The following SLC25A48 variants were observed in gnomAD, a reference collection of about 807,000 sequenced individuals.
SLC25A48 encodes CTC-321K16.1.
SLC25A48 carries 29 observed loss-of-function variants against 32.2 expected under a neutral mutation model. That is an observed-to-expected ratio of 0.90 (90% CI 0.67 to 1.23). The LOEUF is 1.23. Among genes scored for constraint, SLC25A48 ranks in the 50% most tolerant of loss-of-function variants. The pLI, the probability that SLC25A48 is intolerant of heterozygous loss-of-function variation, is 0.00. For synonymous variants in SLC25A48, 164 were observed against 172.3 expected (o/e 0.95, Z 0.38); for missense variants, 399 against 422.7 (o/e 0.94, Z 0.49).
At chr5:135,860,019 C>G (rs1476479702) in intron 4 of SLC25A48, among the ~76,000 whole-genome samples, 1 of 152,186 alleles carries the variant, frequency 6.6e-6, no homozygotes, top group Admixed American at 6.5e-5. Flanking sequence ...TCCTCTCCTC[C>G]CTCTAGCCTG....
At chr5:135,785,669 G>A (rs1316273185) in intron 3 of SLC25A48, among the ~76,000 whole-genome samples, 1 of 151,176 alleles carries the variant, frequency 6.6e-6, no homozygotes, top group African/African-American at 2.4e-5. Flanking sequence ...ATGGGGAGAG[G>A]GGGGTGGAAC....
intron 3 of SLC25A48, among the ~76,000 whole-genome samples, chr5:135,705,390 C>T (rs899665244): frequency 2.6e-5 from 4 of 152,192 alleles, no homozygotes; most frequent in African/African-American, 7.2e-5. Flanking sequence ...TTGATTTCTT[C>T]ATCTATTAAA....
At position 135,852,581 on chromosome 5, in the gene SLC25A48, G is replaced by C; in HGVS notation, c.181G>C (p.Gly61Arg). 6.3e-7 allele frequency: 1 copy of C among 1,599,428 alleles called. No homozygotes were observed. Among genetic ancestry groups the C allele is most frequent in the Non-Finnish European group, 8.6e-7 (1 of 1,167,824 alleles). The change falls in exon 4 of 8, where the codon GGC becomes CGC. Residue 61 changes from glycine to arginine, a missense_variant. Physicochemically the swap from Gly to Arg is moderately radical, Grantham distance 125. Transcript: ENST00000681962. ...RRESMFGFFK[G>R]MSFPLASIAV... Reference sequence around the variant, plus strand: ...ACTGCAGATGTTCGGCTTCTTCAAGGGCATGTCCTTCCCCCTCGCCAGCAT... The same window carrying C: ...ACTGCAGATGTTCGGCTTCTTCAAGCGCATGTCCTTCCCCCTCGCCAGCAT...
rs930737745 is a variant in SLC25A48 at position 135,707,858 on chromosome 5, G to T, written c.-521+72902G>T. On this transcript the variant is annotated intron_variant, in intron 3 of 10. Transcript: ENST00000646290. ...AGCCAGGGAGCATGACTGTCTTGTT[G>T]ATTGCTGGACTCTGGTGCCTGGCAT... Among the ~76,000 whole-genome samples the T allele has an allele frequency of 2.0e-5, 3 of 152,318 alleles. No homozygotes were observed. In the East Asian group the frequency reaches 5.8e-4, roughly 29 times the overall value.
Position 135,842,433 on chromosome 5 carries a change from G to A in SLC25A48, c.64G>A (p.Val22Ile), listed in dbSNP as rs1006810268. 1.3e-5 allele frequency: 21 copies of A among 1,613,832 alleles called. No homozygotes were observed. Among genetic ancestry groups the A allele is most frequent in the African/African-American group, 2.7e-5 (2 of 75,006 alleles). The change falls in exon 2 of 8, where the codon GTT (valine) becomes ATT (isoleucine). Residue 22 changes from valine to isoleucine, a missense_variant. Val to Ile is a conservative substitution (Grantham distance 29, BLOSUM62 3). Coordinates refer to ENST00000681962, the MANE Select transcript of SLC25A48 (RefSeq NM_001349336.2). ...ATCCACAGGTGCAGCCAGTGTCATC[G>A]TTGGCCACCCTCTGGACACAGTCAA... ...GWIGGAASVI[V>I]GHPLDTVKTR...
At chr5:135,802,434 A>G (rs888829895) in intron 3 of SLC25A48, among the ~76,000 whole-genome samples, 1 of 151,690 alleles carries the variant, frequency 6.6e-6, no homozygotes, top group Non-Finnish European at 1.5e-5. Flanking sequence ...TATTTATAAT[A>G]TCCTAGGGAG....
At chr5:135,840,273 C>T (rs780756198) in intron 1 of SLC25A48, among the ~76,000 whole-genome samples, 1 of 152,178 alleles carries the variant, frequency 6.6e-6, no homozygotes, top group African/African-American at 2.4e-5. Flanking sequence ...GGATTTCATT[C>T]TTACCATGGA....
chr5:135,733,620 A>G (rs1755284954), intron 3 of SLC25A48, among the ~76,000 whole-genome samples: 1 of 152,198 alleles, frequency 6.6e-6, no homozygotes, highest in Non-Finnish European at 1.5e-5. Flanking sequence ...ACATGCAGAC[A>G]TGAGGGCTAG....
At chr5:135,882,052 C>T (rs537380187) in intron 7 of SLC25A48, among the ~76,000 whole-genome samples, 7 of 152,360 alleles carry the variant, frequency 4.6e-5, no homozygotes, top group South Asian at 2.1e-4. Context: ...TACCCAATCA[C>T]GATTGTCCTG....
chr5:135,589,956 A>G (rs1561747885), intron 1 of SLC25A48, among the ~76,000 whole-genome samples: 2 of 152,196 alleles, frequency 1.3e-5, no homozygotes, highest in Non-Finnish European at 2.9e-5. Context: ...TCAGCCTCCC[A>G]AAGTGCTGGG....
chr5:135,678,007 T>C (rs1158321800), intron 3 of SLC25A48, among the ~76,000 whole-genome samples: 2 of 152,214 alleles, frequency 1.3e-5, no homozygotes, highest in African/African-American at 4.8e-5. Context: ...AAGACCTTTT[T>C]GCATTGTATC....
intron 4 of SLC25A48, among the ~76,000 whole-genome samples, chr5:135,865,076 C>T (rs928316167): frequency 5.3e-5 from 8 of 152,202 alleles, no homozygotes; most frequent in Non-Finnish European, 1.2e-4. Flanking sequence ...TGTCAATATT[C>T]CCTTTTCATG....
At chr5:135,727,926 G>A (rs1168308001) in intron 3 of SLC25A48, among the ~76,000 whole-genome samples, 10 of 152,122 alleles carry the variant, frequency 6.6e-5, no homozygotes. Flanking sequence ...ATAATTTGCT[G>A]GGATTTTGAT....
chr5:135,720,708 G>A (rs1184286463), intron 3 of SLC25A48, among the ~76,000 whole-genome samples: 1 of 152,120 alleles, frequency 6.6e-6, no homozygotes, highest in Non-Finnish European at 1.5e-5. Flanking sequence ...TGCACGGAGA[G>A]ACCAGGGTGA....
At position 135,608,227 on chromosome 5, in the gene SLC25A48, A is replaced by G. The variant is rs141200827; in HGVS notation, c.-848-21010A>G. Among the ~76,000 whole-genome samples the G allele has an allele frequency of 1.1e-4, 16 of 152,318 alleles. No individual in the cohort carries two copies. In the East Asian group the frequency reaches 2.7e-3, roughly 26 times the overall value. ...AAAAGTATTAAGACTGATCCTTTAT[A>G]TGCTCAAGACTATCTTGATTGGGAG... is the stretch of plus-strand genomic sequence containing the variant. On this transcript the variant is annotated intron_variant, in intron 1 of 10. Coordinates refer to the SLC25A48 transcript ENST00000646290.
chr5:135,681,991 G>A (rs953731965), intron 3 of SLC25A48, among the ~76,000 whole-genome samples: 1 of 152,152 alleles, frequency 6.6e-6, no homozygotes, highest in African/African-American at 2.4e-5. Context: ...CCATGGATGT[G>A]ATGATCAATA....
At chr5:135,785,359 G>A (rs1756811148) in intron 3 of SLC25A48, among the ~76,000 whole-genome samples, 1 of 151,724 alleles carries the variant, frequency 6.6e-6, no homozygotes, top group African/African-American at 2.4e-5. Context: ...TGGGGCGGGA[G>A]GTGGAACCCT....
At chr5:135,857,946 G>A (rs2126759835) in intron 4 of SLC25A48, among the ~76,000 whole-genome samples, 1 of 152,288 alleles carries the variant, frequency 6.6e-6, no homozygotes, top group South Asian at 2.1e-4. Flanking sequence ...TGTCCTTAAA[G>A]GGCCCTGTCT....
At chr5:135,765,480 T>C (rs1756189728) in intron 3 of SLC25A48, among the ~76,000 whole-genome samples, 1 of 151,124 alleles carries the variant, frequency 6.6e-6, no homozygotes, top group Admixed American at 6.6e-5. Flanking sequence ...CTTGTGAAAT[T>C]GTTGGTAATA....
Sources: allele counts gnomAD v4.1 joint callset (sites outside exome capture counted in the v4.1 genomes callset), GRCh38; gene constraint gnomAD v4.1.1; transcripts MANE v1.5; gene names NCBI Gene and HGNC (gene_info 2026-07-23, HGNC 2026-07-21).